Variants in LOC128462377 observed in about 807,000 individuals in gnomAD.
At chr16:89,410,163 T>C in the LOC128462377 span, among the ~76,000 whole-genome samples, 55 of 152,264 alleles carry the variant, frequency 3.6e-4, no homozygotes, top group East Asian at 0.01. Flanking sequence ...AAACACAGTT[T>C]GCTGTTCAGC....
At chr16:89,341,708 T>C in the LOC128462377 span, among the ~76,000 whole-genome samples, 2 of 152,212 alleles carry the variant, frequency 1.3e-5, no homozygotes, top group African/African-American at 2.4e-5. Flanking sequence ...ATCTGCATAA[T>C]GATATACCTA....
the LOC128462377 span, among the ~76,000 whole-genome samples, chr16:89,364,155 G>C: frequency 6.6e-6 from 1 of 152,196 alleles, no homozygotes; most frequent in Non-Finnish European, 1.5e-5. Context: ...TGGAGCCTGG[G>C]TGTACCCCAG....
At chr16:89,350,437 G>A in the LOC128462377 span, among the ~76,000 whole-genome samples, 1 of 152,144 alleles carries the variant, frequency 6.6e-6, no homozygotes, top group South Asian at 2.1e-4. Flanking sequence ...ACTGCTTATT[G>A]GATGAACATG....
chr16:89,382,528 T>A, the LOC128462377 span, among the ~76,000 whole-genome samples: 8 of 152,012 alleles, frequency 5.3e-5, no homozygotes, highest in Non-Finnish European at 8.8e-5. Context: ...GATTTCACCA[T>A]GTTGGCCAGG....
At chr16:89,372,196 G>A in the LOC128462377 span, among the ~76,000 whole-genome samples, 30 of 152,364 alleles carry the variant, frequency 2.0e-4, no homozygotes, top group East Asian at 7.7e-4. Context: ...CAGCGGCAGC[G>A]CACGGCAAGA....
At chr16:89,372,423 G>C in the LOC128462377 span, among the ~76,000 whole-genome samples, 1 of 152,194 alleles carries the variant, frequency 6.6e-6, no homozygotes, top group Non-Finnish European at 1.5e-5. Flanking sequence ...ACAAGGCAGT[G>C]GCAGGCGGAG....
the LOC128462377 span, among the ~76,000 whole-genome samples, chr16:89,337,561 C>A: frequency 6.6e-6 from 1 of 150,406 alleles, no homozygotes. Context: ...CTCAACCTCC[C>A]GAGTAGCTGG....
At chr16:89,398,560 ATT>A in the LOC128462377 span, among the ~76,000 whole-genome samples, 7 of 151,746 alleles carry the variant, frequency 4.6e-5, no homozygotes, top group Admixed American at 2.6e-4. Context: ...CTTAAAAAAA[ATT>A]TTTTTTTAAC....
the LOC128462377 span, among the ~76,000 whole-genome samples, chr16:89,399,807 T>C: frequency 4.1e-5 from 1 of 24,484 alleles, no homozygotes. Flanking sequence ...AAATAAAGTC[T>C]ACTTTTTTTA....
the LOC128462377 span, among the ~76,000 whole-genome samples, chr16:89,336,936 G>A: frequency 1.4e-4 from 20 of 147,980 alleles, no homozygotes; most frequent in African/African-American, 2.2e-4. Flanking sequence ...TTAGGAGGCC[G>A]AGACAGGTGG....
chr16:89,416,301 A>AT, the LOC128462377 span, among the ~76,000 whole-genome samples: 60 of 146,768 alleles, frequency 4.1e-4, no homozygotes, highest in East Asian at 1.8e-3. Context: ...GAATCCATCG[A>AT]TTTTTTTTTT....
chr16:89,333,788 T>A, the LOC128462377 span, among the ~76,000 whole-genome samples: 1 of 152,084 alleles, frequency 6.6e-6, no homozygotes, highest in African/African-American at 2.4e-5. Context: ...AGCCATTTTG[T>A]GAAAGTGAAA....
the LOC128462377 span, among the ~76,000 whole-genome samples, chr16:89,386,367 G>A: frequency 6.6e-6 from 1 of 151,990 alleles, no homozygotes; most frequent in East Asian, 1.9e-4. Flanking sequence ...TTACTCGTGT[G>A]TCCAGGGACC....
At chr16:89,330,417 G>T in the LOC128462377 span, among the ~76,000 whole-genome samples, 1 of 152,104 alleles carries the variant, frequency 6.6e-6, no homozygotes, top group Non-Finnish European at 1.5e-5. Flanking sequence ...CACCGGGAGG[G>T]CTGCTGCTGG....
At chr16:89,320,446 C>CGCCCTGTGCTGAGCGGCAAG in the LOC128462377 span, 51 of 152,290 alleles carry the variant, frequency 3.3e-4, no homozygotes, top group African/African-American at 1.2e-3. Context: ...GGCTGACTCA[C>CGCCCTGTGCTGAGCGGCAAG]GCCCTGTGCT....
At chr16:89,395,545 G>A in the LOC128462377 span, among the ~76,000 whole-genome samples, 14 of 152,330 alleles carry the variant, frequency 9.2e-5, 1 homozygote, top group African/African-American at 3.1e-4. Flanking sequence ...TTGTCCATGA[G>A]AATCCCAGGA....
At chr16:89,388,293 A>ATTTGTTTTTTTTTTT in the LOC128462377 span, among the ~76,000 whole-genome samples, 1 of 85,266 alleles carries the variant, frequency 1.2e-5, no homozygotes, top group East Asian at 4.0e-4. Context: ...CATGAGGCTG[A>ATTTGTTTTTTTTTTT]TTTTTTTTTT....
At chr16:89,325,599 G>A in the LOC128462377 span, among the ~76,000 whole-genome samples, 1 of 152,202 alleles carries the variant, frequency 6.6e-6, no homozygotes, top group Non-Finnish European at 1.5e-5. Context: ...AGACATCCGC[G>A]AAGCGTGGAA....
At chr16:89,373,909 G>T in the LOC128462377 span, among the ~76,000 whole-genome samples, 1 of 152,186 alleles carries the variant, frequency 6.6e-6, no homozygotes, top group Non-Finnish European at 1.5e-5. Context: ...TTGGCAGGCG[G>T]TCCACACGGG....
Sources: allele counts gnomAD v4.1 joint callset (sites outside exome capture counted in the v4.1 genomes callset), GRCh38; gene constraint gnomAD v4.1.1; transcripts MANE v1.5.